Variants in DOCK11 observed in about 807,000 individuals in gnomAD.
The protein encoded by DOCK11 is dedicator of cytokinesis 11, also known as dedicator of cytokinesis protein 11.
DOCK11 carries 70 observed loss-of-function variants against 169.1 expected under a neutral mutation model. The ratio of observed to expected loss-of-function variants is 0.41; its 90% CI spans 0.34 to 0.51. DOCK11 has a LOEUF of 0.51. Ranked by LOEUF, DOCK11 falls within the 20% of genes least tolerant of loss-of-function variation. The pLI, the probability that DOCK11 is intolerant of heterozygous loss-of-function variation, is 0.10. For synonymous variants in DOCK11, 529 were observed against 541.3 expected, an observed-to-expected ratio of 0.98 and a Z score of 0.32; for missense variants, 1,166 against 1,538.8, an observed-to-expected ratio of 0.76 and a Z score of 4.05.
chrX:118,604,618 T>G (rs914661205), intron 23 of DOCK11, among the ~76,000 whole-genome samples: 11 of 99,611 alleles, frequency 1.1e-4, no homozygotes, highest in African/African-American at 4.0e-4. Flanking sequence ...TGAACAACTT[T>G]CACTGTTTGT....
chrX:118,634,991 TG>T (rs1159533925), intron 35 of DOCK11, among the ~76,000 whole-genome samples: 1 of 112,296 alleles, frequency 8.9e-6, no homozygotes, highest in Admixed American at 9.5e-5. Context: ...CCGAAAGTGC[TG>T]GGATTACAGG....
intron 40 of DOCK11, among the ~76,000 whole-genome samples, chrX:118,646,067 A>C (rs554768304): frequency 2.2e-4 from 24 of 106,710 alleles, no homozygotes; most frequent in South Asian, 1.9e-3. Flanking sequence ...AAAAAAAAAA[A>C]AAAAAAAAAC....
chrX:118,503,281 G>A (rs1485934171), intron 1 of DOCK11, among the ~76,000 whole-genome samples: 2 of 110,470 alleles, frequency 1.8e-5, no homozygotes, highest in Admixed American at 9.7e-5. Flanking sequence ...GGCTGATCTC[G>A]AACTCCTGAC....
At chrX:118,506,271 A>G (rs1423316909) in intron 1 of DOCK11, among the ~76,000 whole-genome samples, 1 of 110,501 alleles carries the variant, frequency 9.0e-6, no homozygotes, top group Non-Finnish European at 1.9e-5. Flanking sequence ...AAAAAAAACA[A>G]CAAAAAACCA....
intron 31 of DOCK11, among the ~76,000 whole-genome samples, chrX:118,620,124 G>A: frequency 1.8e-5 from 2 of 111,136 alleles, no homozygotes. Context: ...CCTATTTACT[G>A]TACTTTTAAC....
At chrX:118,666,762 T>C (rs374468881) in intron 45 of DOCK11, among the ~76,000 whole-genome samples, 1 of 111,811 alleles carries the variant, frequency 8.9e-6, no homozygotes, top group African/African-American at 3.3e-5. Context: ...AGGGAAGATA[T>C]ATGTTTAACT....
intron 1 of DOCK11, among the ~76,000 whole-genome samples, chrX:118,535,967 C>T (rs1371256850): frequency 1.8e-5 from 2 of 111,203 alleles, no homozygotes; most frequent in Non-Finnish European, 1.9e-5. Flanking sequence ...AACAAACAGG[C>T]CATGGTCATA....
intron 1 of DOCK11, among the ~76,000 whole-genome samples, chrX:118,532,890 C>T (rs1349012386): frequency 1.8e-5 from 2 of 110,248 alleles, no homozygotes; most frequent in African/African-American, 6.6e-5. Flanking sequence ...GGTGGAGCAT[C>T]TCCTGACATT....
At chrX:118,550,591 T>A (rs1012417755) in intron 6 of DOCK11, among the ~76,000 whole-genome samples, 4 of 111,512 alleles carry the variant, frequency 3.6e-5, no homozygotes, top group African/African-American at 1.3e-4. Flanking sequence ...GGGGAGCAGT[T>A]TTATAGTTTC....
At chrX:118,658,919 G>A (rs1387070578) in intron 44 of DOCK11, among the ~76,000 whole-genome samples, 7 of 111,381 alleles carry the variant, frequency 6.3e-5, no homozygotes, top group Non-Finnish European at 9.4e-5. Context: ...CTTCAGGCCT[G>A]CAAGGATTCA....
intron 1 of DOCK11, among the ~76,000 whole-genome samples, chrX:118,531,447 A>C (rs1214940518): frequency 3.1e-5 from 3 of 95,450 alleles, no homozygotes; most frequent in East Asian, 6.1e-4. Context: ...AAAAAAAAAA[A>C]AAAACAGGAA....
At chrX:118,529,044 C>T (rs908195705) in intron 1 of DOCK11, among the ~76,000 whole-genome samples, 6 of 107,211 alleles carry the variant, frequency 5.6e-5, no homozygotes, top group African/African-American at 1.7e-4. Context: ...AGTATAGTGG[C>T]GCGATCTCGG....
At chrX:118,556,340 C>T (rs2012692784) in intron 6 of DOCK11, among the ~76,000 whole-genome samples, 1 of 109,499 alleles carries the variant, frequency 9.1e-6, no homozygotes, top group African/African-American at 3.3e-5. Flanking sequence ...CCGCCACCCC[C>T]AGCCATTTTC....
At chrX:118,508,608 A>G (rs2057629604) in intron 1 of DOCK11, among the ~76,000 whole-genome samples, 1 of 111,103 alleles carries the variant, frequency 9.0e-6, no homozygotes, top group Non-Finnish European at 1.9e-5. Flanking sequence ...ACATACATGG[A>G]ACTGAATCGT....
chrX:118,681,666 C>A, intron 50 of DOCK11, 28 bp from the exon 51 acceptor site: 2 of 1,047,000 alleles, frequency 1.9e-6, no homozygotes, highest in Non-Finnish European at 2.5e-6. Flanking sequence ...TCTGGAAACA[C>A]TCTCATTTTT....
Position 118,628,148 on chromosome X carries a change from T to C in DOCK11, c.3665-15T>C. ...CCCTCTTGCCAACAAGGGCTTGACT[T>C]TTTTTTTTCCCCAGCTTATGGGTCT... On this transcript the variant is annotated splice_polypyrimidine_tract_variant and intron_variant, in intron 33 of 52. Coordinates refer to ENST00000276202, the MANE Select transcript of DOCK11 (RefSeq NM_144658.4). 1 of 1,132,379 alleles carries C rather than the reference T, an allele frequency of 8.8e-7. No individual in the cohort carries two copies. Among genetic ancestry groups the C allele is most frequent in the Non-Finnish European group, 1.2e-6 (1 of 835,512 alleles). 93.3% of individuals were successfully genotyped at this position (1,132,379 alleles called of 1,213,427 possible).
At position 118,546,038 on chromosome X, in the gene DOCK11, T is replaced by C. The variant is rs1228382727; in HGVS notation, c.480T>C (p.Cys160=). The C allele has an allele frequency of 1.7e-6, 2 of 1,203,012 alleles. No homozygotes were observed. Among genetic ancestry groups the C allele is most frequent in the Non-Finnish European group, 2.2e-6 (2 of 890,980 alleles). The change falls in exon 6 of 53, where the codon TGT becomes TGC. Residue 160 remains cysteine, a synonymous_variant. Coordinates refer to ENST00000276202, the MANE Select transcript of DOCK11 (RefSeq NM_144658.4). The part of the protein sequence containing the change: ...CEKDEDSSSL[C]SQKGGVIKQG... ...TATTTCAGGACTCATCTTCTTTATG[T>C]TCTCAGAAGGGTGGTGTGATAAAAC... is the stretch of plus-strand genomic sequence containing the variant.
intron 45 of DOCK11, among the ~76,000 whole-genome samples, chrX:118,668,356 T>C (rs1029983781): frequency 8.9e-6 from 1 of 111,868 alleles, no homozygotes; most frequent in African/African-American, 3.2e-5. Context: ...GAAAGAGATA[T>C]AATTTTTCTT....
chrX:118,685,613 A>G, intron 52 of DOCK11, 75 bp from the exon 53 acceptor site: 1 of 1,125,369 alleles, frequency 8.9e-7, no homozygotes, highest in Non-Finnish European at 1.2e-6. Context: ...TATGCCTGCA[A>G]TTTCATATAC....
Sources: allele counts gnomAD v4.1 joint callset (sites outside exome capture counted in the v4.1 genomes callset), GRCh38; gene constraint gnomAD v4.1.1; transcripts MANE v1.5; gene names NCBI Gene and HGNC (gene_info 2026-07-23, HGNC 2026-07-21).